Variants in E4F1 observed in about 807,000 individuals in gnomAD.
E4F1 encodes the protein E4F transcription factor 1.
In E4F1, 30 loss-of-function variants were observed where a neutral mutation model predicts 72.9. The observed-to-expected ratio is 0.41, with a 90% CI of 0.31 to 0.56. The LOEUF is 0.56. Ranked by LOEUF, E4F1 falls within the 20% of genes least tolerant of loss-of-function variation. E4F1 has a pLI of 0.25. For missense variants in E4F1, 1,091 were observed against 1,117.5 expected, an observed-to-expected ratio of 0.98 and a Z score of 0.34; for synonymous variants, 542 against 478.2, an observed-to-expected ratio of 1.13 and a Z score of -1.74.
intron 2 of E4F1, among the ~76,000 whole-genome samples, 172 bp from the exon 3 acceptor site, chr16:2,229,398 G>A (rs570599480): frequency 1.3e-5 from 2 of 152,220 alleles, no homozygotes; most frequent in East Asian, 1.9e-4. Flanking sequence ...ACCGGTGGTC[G>A]TGTTGGGGAA....
intron 1 of E4F1, among the ~76,000 whole-genome samples, chr16:2,224,731 C>G (rs940229893): frequency 6.6e-5 from 10 of 152,004 alleles, no homozygotes; most frequent in South Asian, 4.2e-4. Context: ...TGCGGTGAGC[C>G]GAGACCGCGC....
In E4F1 at chr16:2,224,816, A is replaced by G. The variant is rs557778178; in HGVS notation, c.157+1046A>G. Among the ~76,000 whole-genome samples, 5 of 152,098 alleles carry G rather than the reference A, an allele frequency of 3.3e-5. 1 individual carries two copies. The South Asian group carries it at 1.0e-3, about 32-fold the overall frequency. On this transcript the variant is annotated intron_variant, in intron 1 of 13. Coordinates refer to ENST00000301727, the MANE Select transcript of E4F1 (RefSeq NM_004424.5). ...AGAAAATGACCAGGGTCACCCAGGTAGTTAAGTAGCAAGGGTTGGATTGGA... is the reference window on the plus strand; with the variant it reads ...AGAAAATGACCAGGGTCACCCAGGTGGTTAAGTAGCAAGGGTTGGATTGGA...
Position 2,223,674 on chromosome 16 carries a change from G to A in E4F1, c.61G>A (p.Ala21Thr). 4.4e-6 allele frequency: 7 copies of A among 1,582,240 alleles called. No homozygotes were observed. Among genetic ancestry groups the A allele is most frequent in the Non-Finnish European group, 6.0e-6 (7 of 1,171,604 alleles). ...TCATACGGCAGAAGCCCAGGCCGAA[G>A]CCGGGCGGGAAGCGGGCGAGGGTGC... Reference protein sequence around the residue: ...AAHTAEAQAEAGREAGEGAVA... With the variant: ...AAHTAEAQAETGREAGEGAVA... The change falls in exon 1 of 14, where the codon GCC becomes ACC. Residue 21 changes from alanine to threonine, a missense_variant. Coordinates refer to ENST00000301727, the MANE Select transcript of E4F1 (RefSeq NM_004424.5).
Position 2,235,071 on chromosome 16 carries a change from A to G in E4F1, c.1936-10A>G, listed in dbSNP as rs761782296. 4 of 1,612,314 alleles carry G rather than the reference A, an allele frequency of 2.5e-6. No homozygotes were observed. Reference sequence around the variant, plus strand: ...AAGGCTGACCTCTGTCCTTCTGCCCATCTGCCCAGGCCACTGCGGACGATG... The same window carrying G: ...AAGGCTGACCTCTGTCCTTCTGCCCGTCTGCCCAGGCCACTGCGGACGATG... On this transcript the variant is annotated splice_polypyrimidine_tract_variant and intron_variant, in intron 12 of 13. Transcript: ENST00000301727.
In E4F1 at chr16:2,228,523, G is replaced by C; in HGVS notation, c.309G>C (p.Glu103Asp). Residue 103 changes from glutamate to aspartate, a missense_variant and splice_region_variant, in exon 2 of 14, where the codon GAG becomes GAC. Physicochemically the swap from Glu to Asp is conservative, Grantham distance 45. Coordinates refer to ENST00000301727, the MANE Select transcript of E4F1 (RefSeq NM_004424.5). ...TPATTALLGQ[E>D]VVPAAPGPEE... ...CCACCACAGCGTTGCTGGGCCAGGAGGTGAGCCCTCACCCACTCCCCCATC... is the reference window on the plus strand; with the variant it reads ...CCACCACAGCGTTGCTGGGCCAGGACGTGAGCCCTCACCCACTCCCCCATC... The C allele has an allele frequency of 6.2e-7, 1 of 1,611,818 alleles. No individual in the cohort carries two copies. Among genetic ancestry groups the C allele is most frequent in the Non-Finnish European group, 8.5e-7 (1 of 1,179,274 alleles).
chr16:2,231,779 T>G, intron 3 of E4F1: 1 of 194,814 alleles, frequency 5.1e-6, no homozygotes. Flanking sequence ...CCTCCCTATG[T>G]TGGTGGGAGC....
chr16:2,226,770 G>T (rs914246575), intron 1 of E4F1, among the ~76,000 whole-genome samples: 3 of 152,210 alleles, frequency 2.0e-5, no homozygotes, highest in African/African-American at 7.2e-5. Flanking sequence ...ATTTGGTGAC[G>T]TCCCCAGTGA....
At chr16:2,233,267 G>A (rs2093479931) in intron 7 of E4F1, 84 bp downstream of exon 7, 21 of 1,507,518 alleles carry the variant, frequency 1.4e-5, no homozygotes, top group Non-Finnish European at 1.8e-5. Flanking sequence ...TGGCTCCAGG[G>A]GTCTGAGCCA....
intron 1 of E4F1, among the ~76,000 whole-genome samples, chr16:2,224,206 G>C (rs2093417204): frequency 6.6e-6 from 1 of 152,218 alleles, no homozygotes; most frequent in Non-Finnish European, 1.5e-5. Context: ...CTCTGGGCCT[G>C]TCCGTAGGGA....
At position 2,232,459 on chromosome 16, in the gene E4F1, A is replaced by T. The variant is rs1194869066; in HGVS notation, c.613A>T (p.Ser205Cys). 4 of 1,610,700 alleles carry T rather than the reference A, an allele frequency of 2.5e-6. No individual in the cohort carries two copies. The highest frequency in any genetic ancestry group is 3.4e-6 in the Non-Finnish European group (4 of 1,179,094). ...GCTGCCACGCCCTCCCCCACAGGGC[A>T]GCATCCTCAAGGCCCACATGGTCAC... ...ALCHKTFKTG[S>C]ILKAHMVTHS... is the part of the protein sequence containing the mutation. The change falls in exon 5 of 14, where the codon AGC (serine) becomes TGC (cysteine). Residue 205 changes from serine (S) to cysteine (C), a missense_variant. Around this residue, in one of 5 missense-constraint regions of E4F1, gnomAD observed 362 missense variants for 358.6 expected, o/e 1.01. Coordinates refer to ENST00000301727, the MANE Select transcript of E4F1 (RefSeq NM_004424.5).
At chr16:2,226,190 A>T (rs1006958754) in intron 1 of E4F1, among the ~76,000 whole-genome samples, 1 of 152,092 alleles carries the variant, frequency 6.6e-6, no homozygotes, top group Non-Finnish European at 1.5e-5. Flanking sequence ...CATAGGATTC[A>T]TAGTCTCTGC....
rs571352122 is a variant in E4F1 at position 2,224,848 on chromosome 16, C to T, written c.157+1078C>T. Reference sequence around the variant, plus strand: ...TAGCAAGGGTTGGATTGGATCTCAGCACTGTGAAGGCCTTCACAGCCCCTT... The same window carrying T: ...TAGCAAGGGTTGGATTGGATCTCAGTACTGTGAAGGCCTTCACAGCCCCTT... On this transcript the variant is annotated intron_variant, in intron 1 of 13. Transcript: ENST00000301727. Among the ~76,000 whole-genome samples the T allele has an allele frequency of 1.1e-4, 16 of 152,156 alleles. No individual in the cohort carries two copies. The South Asian group carries it at 3.3e-3, about 32-fold the overall frequency.
Position 2,235,551 on chromosome 16 carries a change from G to C in E4F1, c.2334G>C (p.Glu778Asp). 6.3e-7 allele frequency: 1 copy of C among 1,599,136 alleles called. No individual in the cohort carries two copies. The highest frequency in any genetic ancestry group is 2.3e-5 in the East Asian group (1 of 44,392). The change falls in exon 14 of 14, where the codon GAG (glutamate) becomes GAC (aspartate). Residue 778 changes from glutamate to aspartate, a missense_variant. Glu to Asp is a conservative substitution (Grantham distance 45). Coordinates refer to ENST00000301727, the MANE Select transcript of E4F1 (RefSeq NM_004424.5). ...LVIASPEGQL[E>D]VQTVIV ...TCGCCTCGCCGGAGGGCCAGCTGGAGGTGCAGACGGTCATCGTCTAGCATG... is the reference window on the plus strand; with the variant it reads ...TCGCCTCGCCGGAGGGCCAGCTGGACGTGCAGACGGTCATCGTCTAGCATG...
In E4F1 at chr16:2,226,753, T is replaced by C. The variant is rs552396437; in HGVS notation, c.158-1619T>C. On this transcript the variant is annotated intron_variant, in intron 1 of 13. Coordinates refer to ENST00000301727, the MANE Select transcript of E4F1 (RefSeq NM_004424.5). ...AGTTCTCTCCATTTCCACAGGGTGC[T>C]GGCAAGATTTGGTGACGTCCCCAGT... 5.3e-5 allele frequency among the ~76,000 whole-genome samples: 8 copies of C among 152,348 alleles called. No individual in the cohort carries two copies. The East Asian group carries it at 1.2e-3, about 22-fold the overall frequency.
At chr16:2,223,985 T>C in intron 1 of E4F1, 5 of 1,489,728 alleles carry the variant, frequency 3.4e-6, no homozygotes, top group Non-Finnish European at 4.5e-6. Context: ...CCCCCCTCTC[T>C]GGTGTGCGTC....
intron 1 of E4F1, among the ~76,000 whole-genome samples, chr16:2,227,009 C>T (rs541301791): frequency 7.2e-5 from 11 of 152,344 alleles, no homozygotes; most frequent in East Asian, 1.9e-4. Flanking sequence ...CTCCAGGGCA[C>T]GCTCAAACTC....
At position 2,235,423 on chromosome 16, in the gene E4F1, G is replaced by A; in HGVS notation, c.2206G>A (p.Val736Met). ...GGCCTCGGCCATCAGCGAGGGCACTGTGCTTGCCGCCCGGGCAGGGACAAG... is the reference window on the plus strand; with the variant it reads ...GGCCTCGGCCATCAGCGAGGGCACTATGCTTGCCGCCCGGGCAGGGACAAG... ...TLASAISEGT[V>M]LAARAGTSGT... Residue 736 changes from valine to methionine, a missense_variant, in exon 14 of 14, where the codon GTG becomes ATG. Around this residue, in one of 5 missense-constraint regions of E4F1, gnomAD observed 622 missense variants for 628.0 expected, o/e 0.99. Transcript: ENST00000301727. The A allele has an allele frequency of 6.2e-7, 1 of 1,612,464 alleles. No individual in the cohort carries two copies. The highest frequency in any genetic ancestry group is 8.5e-7 in the Non-Finnish European group (1 of 1,179,932).
At chr16:2,234,044 G>T (rs372690984) in intron 9 of E4F1, 54 bp downstream of exon 9, 19 of 1,537,550 alleles carry the variant, frequency 1.2e-5, no homozygotes, top group Non-Finnish European at 1.5e-5. Flanking sequence ...ATAGGTGGCC[G>T]GGGTGCTTCT....
intron 2 of E4F1, 24 bp from the exon 3 acceptor site, chr16:2,229,546 C>T (rs1567299108): frequency 1.2e-6 from 2 of 1,603,732 alleles, no homozygotes; most frequent in Non-Finnish European, 1.7e-6. Flanking sequence ...AGACGACTCC[C>T]CTGTTTTCTT....
Sources: gnomAD v4.1 joint callset for allele counts (sites outside exome capture counted in the v4.1 genomes callset) on GRCh38, gnomAD v4.1.1 for gene constraint, gnomAD v4.1.1 regional missense constraint, MANE v1.5 for transcripts, NCBI Gene and HGNC (gene_info 2026-07-23, HGNC 2026-07-21) for gene names.